Variants in ABCB1 observed in about 807,000 individuals in gnomAD.
The protein encoded by ABCB1 is ATP-dependent translocase ABCB1.
In ABCB1, 69 loss-of-function variants were observed where a neutral mutation model predicts 142.0. The ratio of observed to expected loss-of-function variants is 0.49; its 90% CI spans 0.40 to 0.59. The LOEUF (loss-of-function observed/expected upper bound fraction) is 0.59, where lower values mean the gene tolerates loss of function less well. Ranked by LOEUF, ABCB1 falls within the 20% of genes least tolerant of loss-of-function variation. The pLI, the probability that ABCB1 is intolerant of heterozygous loss-of-function variation, is 0.00. For missense variants in ABCB1, 1,326 were observed against 1,554.7 expected, an observed-to-expected ratio of 0.85 and a Z score of 2.47; for synonymous variants, 532 against 539.2, an observed-to-expected ratio of 0.99 and a Z score of 0.18.
rs199894992 is a variant in ABCB1 at position 87,509,385 on chromosome 7, T to C, written c.3379A>G (p.Ile1127Val). 1 of 1,614,190 alleles carries C rather than the reference T, an allele frequency of 6.2e-7. No homozygotes were observed. The highest frequency in any genetic ancestry group is 8.5e-7 in the Non-Finnish European group (1 of 1,180,026). ...SQEPILFDCSIAENIAYGDNS... is the reference protein window; with the variant it reads ...SQEPILFDCSVAENIAYGDNS... Reference sequence around the variant, plus strand: ...TCTCCATAGGCAATGTTCTCAGCAATGCTGCAGTCAAACAGGATGGGCTCC... The same window carrying C: ...TCTCCATAGGCAATGTTCTCAGCAACGCTGCAGTCAAACAGGATGGGCTCC... The change falls in exon 26 of 28, where the codon ATT becomes GTT. Residue 1127 changes from isoleucine (I) to valine (V), a missense_variant. By Grantham distance (29) the Ile-to-Val change is conservative (BLOSUM62 3). Transcript: ENST00000622132.
At chr7:87,675,151 A>G (rs1826199255) in intron 1 of ABCB1, among the ~76,000 whole-genome samples, 1 of 152,156 alleles carries the variant, frequency 6.6e-6, no homozygotes, top group African/African-American at 2.4e-5. Flanking sequence ...GCTAGGAACA[A>G]GTCCCTGTGC....
At chr7:87,521,684 C>G in intron 21 of ABCB1, 1 of 913,734 alleles carries the variant, frequency 1.1e-6, no homozygotes, top group South Asian at 1.3e-5. Context: ...GCCATGAATG[C>G]AAGGCCATAC....
At chr7:87,540,326 G>A (rs1360118841) in intron 18 of ABCB1, among the ~76,000 whole-genome samples, 2 of 152,184 alleles carry the variant, frequency 1.3e-5, no homozygotes, top group Admixed American at 1.3e-4. Flanking sequence ...TACCGCTAAG[G>A]AAACAGAGGC....
chr7:87,505,783 G>C, intron 27 of ABCB1, 114 bp downstream of exon 27: 5 of 1,271,012 alleles, frequency 3.9e-6, no homozygotes, highest in Non-Finnish European at 4.6e-6. Context: ...TTTACTGAAA[G>C]GTGATGTAAG....
intron 1 of ABCB1, chr7:87,709,590 T>C (rs1829889730): frequency 1.2e-6 from 1 of 843,416 alleles, no homozygotes; most frequent in Admixed American, 6.2e-5. Context: ...GCCTGACAGG[T>C]TTTAACTACT....
At chr7:87,633,957 C>G (rs900134381) in intron 1 of ABCB1, among the ~76,000 whole-genome samples, 3 of 152,110 alleles carry the variant, frequency 2.0e-5, no homozygotes, top group Admixed American at 1.3e-4. Context: ...AACCGTGGCC[C>G]CGGCATCTGC....
chr7:87,523,195 G>A (rs10246696), intron 21 of ABCB1, among the ~76,000 whole-genome samples: 19,732 of 152,130 alleles, frequency 0.13, 1,358 homozygotes, highest in African/African-American at 0.17. Context: ...GCTCACTGCA[G>A]CCTCACACAC....
At chr7:87,593,130 T>C (rs1211706471) in intron 3 of ABCB1, among the ~76,000 whole-genome samples, 1 of 152,118 alleles carries the variant, frequency 6.6e-6, no homozygotes, top group Non-Finnish European at 1.5e-5. Flanking sequence ...TTTTGTCATG[T>C]TGCCCAGGCT....
intron 1 of ABCB1, among the ~76,000 whole-genome samples, chr7:87,641,160 A>T (rs547831097): frequency 6.6e-6 from 1 of 152,208 alleles, no homozygotes; most frequent in East Asian, 1.9e-4. Flanking sequence ...TAGTACTATC[A>T]TGTTTACCCT....
At chr7:87,587,874 C>CAAA (rs35238388) in intron 3 of ABCB1, among the ~76,000 whole-genome samples, 20 of 82,030 alleles carry the variant, frequency 2.4e-4, no homozygotes, top group African/African-American at 7.7e-4. Context: ...GACTCTGTCT[C>CAAA]AAAAAAAAAA....
At chr7:87,620,370 G>A (rs1334572422) in intron 1 of ABCB1, among the ~76,000 whole-genome samples, 2 of 152,136 alleles carry the variant, frequency 1.3e-5, no homozygotes, top group African/African-American at 4.8e-5. Context: ...ATGGTGGTCA[G>A]GCTCGTCTCG....
At chr7:87,604,153 TATGG>T (rs1819564828), upstream of ABCB1, among the ~76,000 whole-genome samples, 1 of 152,212 alleles carries the variant, frequency 6.6e-6, no homozygotes, top group African/African-American at 2.4e-5. Context: ...TTCCTTCTCC[TATGG>T]TTTTTAATTC....
chr7:87,515,326 C>T lies in ABCB1; in HGVS notation c.3187G>A (p.Gly1063Ser). 6.2e-7 allele frequency: 1 copy of T among 1,614,164 alleles called. No homozygotes were observed. Among genetic ancestry groups the T allele is most frequent in the African/African-American group, 1.3e-5 (1 of 75,060 alleles). ...LQGLSLEVKKGQTLALVGSSG... is the reference protein window; with the variant it reads ...LQGLSLEVKKSQTLALVGSSG... Reference sequence around the variant, plus strand: ...CTGCCCACCAGAGCCAGCGTCTGGCCCTTCTTCACCTCCAGGCTCAGTCCC... The same window carrying T: ...CTGCCCACCAGAGCCAGCGTCTGGCTCTTCTTCACCTCCAGGCTCAGTCCC... Residue 1063 changes from glycine (G) to serine (S), a missense_variant, in exon 25 of 28, where the codon GGC becomes AGC. Physicochemically the swap from Gly to Ser is moderately conservative, Grantham distance 56. Transcript: ENST00000622132.
At chr7:87,699,415 C>CTT (rs202104063) in intron 1 of ABCB1, among the ~76,000 whole-genome samples, 13 of 150,770 alleles carry the variant, frequency 8.6e-5, no homozygotes, top group African/African-American at 2.7e-4. Flanking sequence ...GTATAGAATT[C>CTT]TTTTTTTTTA....
intron 1 of ABCB1, among the ~76,000 whole-genome samples, chr7:87,620,349 A>G (rs941785194): frequency 1.3e-5 from 2 of 151,998 alleles, no homozygotes; most frequent in African/African-American, 4.8e-5. Context: ...TAGTAGAGAC[A>G]GTGTTTCACC....
At chr7:87,541,786 A>T (rs549196256) in intron 17 of ABCB1, among the ~76,000 whole-genome samples, 2 of 152,352 alleles carry the variant, frequency 1.3e-5, no homozygotes, top group Non-Finnish European at 2.9e-5. Context: ...AACTACATTT[A>T]TGGCAGTTCA....
chr7:87,679,249 C>G (rs538905793), intron 1 of ABCB1, among the ~76,000 whole-genome samples: 1 of 149,138 alleles, frequency 6.7e-6, no homozygotes, highest in Non-Finnish European at 1.5e-5. Context: ...CCCGCCACCA[C>G]GCCCGGGTAA....
chr7:87,617,446 T>C (rs1373978383), intron 1 of ABCB1, among the ~76,000 whole-genome samples: 1 of 152,214 alleles, frequency 6.6e-6, no homozygotes, highest in East Asian at 1.9e-4. Flanking sequence ...ACAACATGTG[T>C]CCTTCCATCT....
At chr7:87,646,336 G>A (rs1256727411) in intron 1 of ABCB1, among the ~76,000 whole-genome samples, 1 of 152,084 alleles carries the variant, frequency 6.6e-6, no homozygotes, top group Non-Finnish European at 1.5e-5. Flanking sequence ...GTAATCTAGT[G>A]TTATTCCTGG....
Sources: allele counts gnomAD v4.1 joint callset (sites outside exome capture counted in the v4.1 genomes callset), GRCh38; gene constraint gnomAD v4.1.1; transcripts MANE v1.5; gene names NCBI Gene and HGNC (gene_info 2026-07-23, HGNC 2026-07-21).